The following ZDHHC17 variants were observed in gnomAD, a reference collection of about 807,000 sequenced individuals.
ZDHHC17 encodes the protein palmitoyltransferase ZDHHC17.
ZDHHC17 carries 40 observed loss-of-function variants against 90.3 expected under a neutral mutation model. The observed-to-expected ratio is 0.44, with a 90% CI of 0.34 to 0.58. ZDHHC17 has a LOEUF of 0.58. Among genes scored for constraint, ZDHHC17 ranks in the 20% least tolerant of loss-of-function variants. The pLI, the probability that ZDHHC17 is intolerant of heterozygous loss-of-function variation, is 0.01. For missense variants in ZDHHC17, 614 were observed against 780.8 expected, an observed-to-expected ratio of 0.79 and a Z score of 2.55; for synonymous variants, 235 against 252.4, an observed-to-expected ratio of 0.93 and a Z score of 0.65.
At chr12:76,790,627 G>C (rs1279515353) in intron 1 of ZDHHC17, among the ~76,000 whole-genome samples, 1 of 152,216 alleles carries the variant, frequency 6.6e-6, no homozygotes, top group Admixed American at 6.5e-5. Context: ...AGGAAATGAA[G>C]TGAAAACTGT....
At chr12:76,770,851 C>T (rs374388321) in intron 1 of ZDHHC17, among the ~76,000 whole-genome samples, 13 of 149,780 alleles carry the variant, frequency 8.7e-5, no homozygotes, top group East Asian at 2.0e-4. Flanking sequence ...GCAGGAGAAT[C>T]GCTTGAACCT....
chr12:76,834,436 T>G (rs760665172), intron 10 of ZDHHC17, among the ~76,000 whole-genome samples: 1 of 152,182 alleles, frequency 6.6e-6, no homozygotes, highest in Non-Finnish European at 1.5e-5. Context: ...CTGGGATGAT[T>G]ACATATATTA....
chr12:76,829,655 G>A (rs7300299), intron 10 of ZDHHC17, among the ~76,000 whole-genome samples: 91,016 of 151,598 alleles, frequency 0.6, 27,344 homozygotes, highest in East Asian at 0.67. Context: ...AACTATTTTC[G>A]CTAAATATTT....
chr12:76,848,252 G>A lies in ZDHHC17; in HGVS notation c.1527G>A (p.Glu509=). 1 of 1,613,906 alleles carries A rather than the reference G, an allele frequency of 6.2e-7. No individual in the cohort carries two copies. The highest frequency in any genetic ancestry group is 8.5e-7 in the Non-Finnish European group (1 of 1,179,832). Residue 509 remains glutamate (E), a synonymous_variant, in exon 15 of 17, where the codon GAG becomes GAA. Transcript: ENST00000426126. ...GCISYWGLHC[E]TTYTKDGFWT... ...CTTTAGACTGGGGACTCCACTGTGA[G>A]ACCACTTACACCAAGGATGGATTTT... is the stretch of plus-strand genomic sequence containing the variant.
chr12:76,776,949 A>C (rs1475466594), intron 1 of ZDHHC17, among the ~76,000 whole-genome samples: 1 of 152,200 alleles, frequency 6.6e-6, no homozygotes, highest in Non-Finnish European at 1.5e-5. Context: ...TGAACTTTTT[A>C]AAATAGTTGT....
chr12:76,767,832 T>C (rs778164518), intron 1 of ZDHHC17, among the ~76,000 whole-genome samples: 1 of 152,070 alleles, frequency 6.6e-6, no homozygotes, highest in Non-Finnish European at 1.5e-5. Flanking sequence ...GGCAGGAGAA[T>C]TGCTTGAACC....
At chr12:76,770,362 T>C (rs1049653828) in intron 1 of ZDHHC17, among the ~76,000 whole-genome samples, 1 of 152,150 alleles carries the variant, frequency 6.6e-6, no homozygotes, top group Non-Finnish European at 1.5e-5. Context: ...CTATTTGATG[T>C]TTTTAAAGAC....
In ZDHHC17 at chr12:76,824,735, A is replaced by G. The variant is rs576526128; in HGVS notation, c.898-2173A>G. 6.6e-5 allele frequency among the ~76,000 whole-genome samples: 10 copies of G among 151,982 alleles called. 1 individual carries two copies. Among genetic ancestry groups the G allele is most frequent in the African/African-American group, 2.4e-4 (10 of 41,450 alleles). ...TGGTGCGCCTATAGTCCCAGCTAGT[A>G]GGGAGGCAGAGGCAGGAGGATTGGT... is the stretch of plus-strand genomic sequence containing the variant. On this transcript the variant is annotated intron_variant, in intron 8 of 16. Coordinates refer to ENST00000426126, the MANE Select transcript of ZDHHC17 (RefSeq NM_015336.4).
chr12:76,797,723 A>T (rs1952837501), intron 2 of ZDHHC17, among the ~76,000 whole-genome samples, 186 bp downstream of exon 2: 1 of 152,090 alleles, frequency 6.6e-6, no homozygotes, highest in South Asian at 2.1e-4. Flanking sequence ...AGGGTGGATC[A>T]CCTGAGGTCA....
intron 2 of ZDHHC17, among the ~76,000 whole-genome samples, chr12:76,799,086 A>G (rs1215816865): frequency 2.0e-5 from 3 of 152,272 alleles, no homozygotes; most frequent in Non-Finnish European, 2.9e-5. Context: ...GCAGTGAGAT[A>G]TAGTCATGCC....
At chr12:76,834,596 A>G (rs1325559827) in intron 10 of ZDHHC17, among the ~76,000 whole-genome samples, 1 of 152,124 alleles carries the variant, frequency 6.6e-6, no homozygotes, top group Non-Finnish European at 1.5e-5. Flanking sequence ...GTCTATCTTC[A>G]GTTATCCAAT....
chr12:76,819,861 T>G (rs1386825415), intron 7 of ZDHHC17, among the ~76,000 whole-genome samples: 3 of 151,874 alleles, frequency 2.0e-5, no homozygotes, highest in Admixed American at 6.6e-5. Context: ...GGCGTGGTGG[T>G]ACATGTCTGT....
rs1378969907 is a variant in ZDHHC17, at chr12:76,852,063, T to C, written c.*1078T>C. The C allele has an allele frequency of 6.6e-6, 1 of 152,560 alleles. No homozygotes were observed. The highest frequency in any genetic ancestry group is 1.9e-4 in the East Asian group (1 of 5,200). 9.5% of individuals were successfully genotyped at this position (152,560 alleles called of 1,614,324 possible). On this transcript the variant is annotated 3_prime_UTR_variant, in exon 17 of 17. Coordinates refer to ENST00000426126, the MANE Select transcript of ZDHHC17 (RefSeq NM_015336.4). ...GAAAGTAGAATTTCATCCCCAAGAGTATTTCAGTTTATCCAATATTGAGTA... is the reference window on the plus strand; with the variant it reads ...GAAAGTAGAATTTCATCCCCAAGAGCATTTCAGTTTATCCAATATTGAGTA...
chr12:76,825,350 A>G (rs1227068365), intron 8 of ZDHHC17, among the ~76,000 whole-genome samples: 1 of 152,216 alleles, frequency 6.6e-6, no homozygotes, highest in Non-Finnish European at 1.5e-5. Context: ...AGACTTCACT[A>G]TATAATTCTT....
At chr12:76,843,164 A>G (rs1324388141) in intron 12 of ZDHHC17, among the ~76,000 whole-genome samples, 183 bp downstream of exon 12, 3 of 152,296 alleles carry the variant, frequency 2.0e-5, no homozygotes, top group East Asian at 3.9e-4. Flanking sequence ...CCTCGATGGT[A>G]GGCCTTGACT....
At chr12:76,826,883 T>TA (rs1230484189) in intron 8 of ZDHHC17, 25 bp from the exon 9 acceptor site, 1 of 1,498,560 alleles carries the variant, frequency 6.7e-7, no homozygotes, top group Non-Finnish European at 8.8e-7. Flanking sequence ...TGCAAAAACT[T>TA]TTCTAATTTT....
At chr12:76,812,760 C>A (rs1342911196) in intron 5 of ZDHHC17, among the ~76,000 whole-genome samples, 1 of 151,986 alleles carries the variant, frequency 6.6e-6, no homozygotes, top group Non-Finnish European at 1.5e-5. Flanking sequence ...TATAACATTT[C>A]CATTCAGTTT....
At position 76,815,066 on chromosome 12, in the gene ZDHHC17, A is replaced by G. The variant is rs1033466900; in HGVS notation, c.544-80A>G. On this transcript the variant is annotated intron_variant, in intron 5 of 16. Transcript: ENST00000426126. Reference sequence around the variant, plus strand: ...ATTATATTCGCTTCTCCTTTTATATATAGATTAGATTTTTCCAAGCAAATT... The same window carrying G: ...ATTATATTCGCTTCTCCTTTTATATGTAGATTAGATTTTTCCAAGCAAATT... The G allele has an allele frequency of 2.1e-5, 19 of 900,226 alleles. 1 individual carries two copies. In the South Asian group the frequency reaches 2.8e-4, roughly 13 times the overall value. 55.8% of individuals were successfully genotyped at this position (900,226 alleles called of 1,614,324 possible). A position where few individuals can be genotyped will look rare whatever the true frequency, so the allele number is the denominator to read the frequency against.
chr12:76,781,807 G>C (rs1004052767), intron 1 of ZDHHC17: 1 of 386,722 alleles, frequency 2.6e-6, no homozygotes, highest in Non-Finnish European at 5.1e-6. Flanking sequence ...ATACCATTTA[G>C]CAATTACATT....
Sources: gnomAD v4.1 joint callset for allele counts (sites outside exome capture counted in the v4.1 genomes callset) on GRCh38, gnomAD v4.1.1 for gene constraint, MANE v1.5 for transcripts, NCBI Gene and HGNC (gene_info 2026-07-23, HGNC 2026-07-21) for gene names.